DCAF1: variants seen among roughly 807,000 people sequenced by gnomAD.
DCAF1 encodes the protein DDB1 and CUL4 associated factor 1, also known as DDB1- and CUL4-associated factor 1.
DCAF1 carries 15 observed loss-of-function variants against 128.0 expected under a neutral mutation model. That is an observed-to-expected ratio of 0.12 (90% CI 0.08 to 0.18). The LOEUF (loss-of-function observed/expected upper bound fraction) is 0.18, where lower values mean the gene tolerates loss of function less well. Ranked by LOEUF, DCAF1 falls within the 10% of genes least tolerant of loss-of-function variation. The pLI, the probability that DCAF1 is intolerant of heterozygous loss-of-function variation, is 1.00. For synonymous variants in DCAF1, 610 were observed against 603.0 expected, an observed-to-expected ratio of 1.01 and a Z score of -0.17; for missense variants, 988 against 1,649.5, an observed-to-expected ratio of 0.60 and a Z score of 6.95.
At chr3:51,436,011 A>T (rs1700794476) in intron 9 of DCAF1, among the ~76,000 whole-genome samples, 1 of 152,254 alleles carries the variant, frequency 6.6e-6, no homozygotes, top group South Asian at 2.1e-4. Flanking sequence ...CCTTGGTCCC[A>T]GAGTCTTCAT....
At chr3:51,434,956 T>C (rs929342492) in intron 9 of DCAF1, among the ~76,000 whole-genome samples, 106 of 152,240 alleles carry the variant, frequency 7.0e-4, no homozygotes, top group African/African-American at 2.5e-3. Context: ...GTCTTCCAGG[T>C]ACCAACAACA....
At position 51,418,130 on chromosome 3, in the gene DCAF1, T is replaced by G. The variant is rs1465436032; in HGVS notation, c.3504A>C (p.Ser1168=). 8.7e-6 allele frequency: 14 copies of G among 1,612,260 alleles called. No homozygotes were observed. Among genetic ancestry groups the G allele is most frequent in the Non-Finnish European group, 1.2e-5 (14 of 1,179,276 alleles). ...QPLSALWGMK[S]VFDMKHSFTE... ...CAGATACATACTTCATATCAAATAC[T>G]GACTTCATTCCCCAAAGTGCAGACA... The change falls in exon 17 of 25, where the codon TCA becomes TCC. Residue 1168 remains serine, a synonymous_variant. Coordinates refer to ENST00000684031, the MANE Select transcript of DCAF1 (RefSeq NM_001387579.1).
intron 2 of DCAF1, among the ~76,000 whole-genome samples, chr3:51,486,140 T>C (rs1452382606): frequency 2.6e-5 from 4 of 151,670 alleles, no homozygotes; most frequent in African/African-American, 7.3e-5. Flanking sequence ...TCTGCCTGCC[T>C]TGGCCTCCCA....
At chr3:51,449,827 T>C (rs932309685) in intron 6 of DCAF1, among the ~76,000 whole-genome samples, 2 of 152,092 alleles carry the variant, frequency 1.3e-5, no homozygotes, top group Admixed American at 6.6e-5. Flanking sequence ...CTACCAACTT[T>C]ATAGAAATAA....
chr3:51,457,325 G>T (rs929861259), intron 6 of DCAF1, among the ~76,000 whole-genome samples: 1 of 152,134 alleles, frequency 6.6e-6, no homozygotes, highest in Non-Finnish European at 1.5e-5. Flanking sequence ...GATGGAAGAC[G>T]AAATTAATGA....
chr3:51,492,035 A>G (rs782461749), intron 2 of DCAF1, among the ~76,000 whole-genome samples: 16 of 151,770 alleles, frequency 1.1e-4, no homozygotes, highest in Non-Finnish European at 2.1e-4. Flanking sequence ...ACACACTGGT[A>G]GTCCCAGCTA....
chr3:51,423,082 A>T (rs1699561115), intron 13 of DCAF1, among the ~76,000 whole-genome samples: 3 of 152,100 alleles, frequency 2.0e-5, no homozygotes, highest in South Asian at 4.1e-4. Flanking sequence ...AACAAAAAAA[A>T]AGAAAAATGA....
chr3:51,425,606 C>G (rs1001927387), intron 13 of DCAF1, among the ~76,000 whole-genome samples: 1 of 145,230 alleles, frequency 6.9e-6, no homozygotes, highest in Non-Finnish European at 1.5e-5. Flanking sequence ...TCTGTTGCCC[C>G]GGCTAAAGTG....
At chr3:51,428,312 A>C (rs1553634637) in intron 12 of DCAF1, among the ~76,000 whole-genome samples, 1 of 145,836 alleles carries the variant, frequency 6.9e-6, no homozygotes, top group East Asian at 2.1e-4. Context: ...AGTAGCTGAC[A>C]CAGGTGTACC....
chr3:51,401,796 G>A (rs1291778581), intron 24 of DCAF1, among the ~76,000 whole-genome samples: 1 of 152,222 alleles, frequency 6.6e-6, no homozygotes, highest in Non-Finnish European at 1.5e-5. Context: ...TAATTGAAAG[G>A]AGGTATAACT....
chr3:51,485,290 T>C (rs782391181), intron 2 of DCAF1, among the ~76,000 whole-genome samples: 3 of 152,190 alleles, frequency 2.0e-5, no homozygotes, highest in Non-Finnish European at 2.9e-5. Context: ...AGGAACACTA[T>C]AAAACTCATT....
rs1279321894 is a variant in DCAF1 at position 51,458,694 on chromosome 3, C to A, written c.375+4420G>T. 3.3e-5 allele frequency among the ~76,000 whole-genome samples: 5 copies of A among 152,114 alleles called. No homozygotes were observed. In the East Asian group the frequency reaches 9.6e-4, roughly 29 times the overall value. On this transcript the variant is annotated intron_variant, in intron 6 of 24. Coordinates refer to ENST00000684031, the MANE Select transcript of DCAF1 (RefSeq NM_001387579.1). ...GCACTCCTCAGCAAATGTAAACGAACAGAAATTATAACAAACTGTCTCTCA... is the reference window on the plus strand; with the variant it reads ...GCACTCCTCAGCAAATGTAAACGAAAAGAAATTATAACAAACTGTCTCTCA...
intron 23 of DCAF1, among the ~76,000 whole-genome samples, chr3:51,404,078 T>C (rs1216172811): frequency 6.6e-6 from 1 of 152,240 alleles, no homozygotes; most frequent in Admixed American, 6.5e-5. Context: ...ATGAAATACT[T>C]TGTTCTAGGG....
intron 19 of DCAF1, 35 bp from the exon 20 acceptor site, chr3:51,414,078 A>G (rs1420480248): frequency 1.3e-6 from 2 of 1,548,990 alleles, no homozygotes; most frequent in South Asian, 1.2e-5. Flanking sequence ...ACTATTTTAC[A>G]CAAAACTTAT....
intron 5 of DCAF1, among the ~76,000 whole-genome samples, chr3:51,463,762 C>T (rs1350375293): frequency 5.3e-5 from 8 of 151,864 alleles, no homozygotes; most frequent in East Asian, 1.9e-4. Context: ...GCCTGGGCAA[C>T]GGTGAGACCC....
intron 6 of DCAF1, among the ~76,000 whole-genome samples, chr3:51,444,558 G>A (rs1021138718): frequency 1.3e-5 from 2 of 152,136 alleles, no homozygotes; most frequent in Middle Eastern, 3.4e-3. Context: ...CGCTATGTTG[G>A]CCAGGCTGGT....
intron 9 of DCAF1, among the ~76,000 whole-genome samples, chr3:51,439,221 C>T (rs868921187): frequency 2.3e-4 from 35 of 151,642 alleles, no homozygotes; most frequent in Non-Finnish European, 7.4e-5. Flanking sequence ...CTCCGCCTCC[C>T]GGGTTCAAGT....
chr3:51,413,967 C>T lies in DCAF1; in HGVS notation c.3914G>A (p.Gly1305Glu). 1 of 1,591,190 alleles carries T rather than the reference C, an allele frequency of 6.3e-7. No homozygotes were observed. The highest frequency in any genetic ancestry group is 1.8e-5 in the Admixed American group (1 of 56,770). ...DQCRVVFNHT[G>E]TVMYGAMLQA... ...TTTATTACCTCCATACATCACTGTT[C>T]CCGTGTGATTGAACACCACGCGACA... Residue 1305 changes from glycine to glutamate, a missense_variant, in exon 20 of 25, where the codon GGA becomes GAA. Transcript: ENST00000684031.
At chr3:51,491,847 A>AAAAC (rs1707685925) in intron 2 of DCAF1, among the ~76,000 whole-genome samples, 2 of 152,052 alleles carry the variant, frequency 1.3e-5, no homozygotes, top group African/African-American at 2.4e-5. Flanking sequence ...TCCATCTCAA[A>AAAAC]AAACAAACAA....
Sources: gnomAD v4.1 joint callset for allele counts (sites outside exome capture counted in the v4.1 genomes callset) on GRCh38, gnomAD v4.1.1 for gene constraint, MANE v1.5 for transcripts, NCBI Gene and HGNC (gene_info 2026-07-23, HGNC 2026-07-21) for gene names.